ZNF804B: variants seen among roughly 807,000 people sequenced by gnomAD.
The protein encoded by ZNF804B is zinc finger protein 804B, also known as zinc finger 804B.
A neutral mutation model predicts 101.4 loss-of-function variants in ZNF804B; 80 were observed. That is an observed-to-expected ratio of 0.79 (90% CI 0.66 to 0.95). ZNF804B has a LOEUF of 0.95. ZNF804B is among the 40% of genes least tolerant of loss of function. ZNF804B has a pLI of 0.00. For missense variants in ZNF804B, 1,673 were observed against 1,561.9 expected, an observed-to-expected ratio of 1.07 and a Z score of -1.20; for synonymous variants, 622 against 558.8, an observed-to-expected ratio of 1.11 and a Z score of -1.59.
chr7:88,854,431 C>CTTTCTTTCTTTCTT (rs1791507753), intron 1 of ZNF804B, among the ~76,000 whole-genome samples: 1 of 121,124 alleles, frequency 8.3e-6, no homozygotes, highest in Non-Finnish European at 1.7e-5. Context: ...TTCTTTCTTT[C>CTTTCTTTCTTTCTT]TTTCTTTCTT....
intron 1 of ZNF804B, among the ~76,000 whole-genome samples, chr7:88,894,307 G>A (rs1016764289): frequency 6.6e-6 from 1 of 151,536 alleles, no homozygotes; most frequent in African/African-American, 2.4e-5. Flanking sequence ...TCTGCCTCCC[G>A]GGTTGAAGTG....
At chr7:89,114,074 C>T (rs1790271995) in intron 1 of ZNF804B, among the ~76,000 whole-genome samples, 1 of 152,070 alleles carries the variant, frequency 6.6e-6, no homozygotes, top group Non-Finnish European at 1.5e-5. Context: ...TGAGAACAAG[C>T]TTGATGTTTA....
At chr7:89,306,489 C>T (rs1038504875) in intron 2 of ZNF804B, among the ~76,000 whole-genome samples, 3 of 132,548 alleles carry the variant, frequency 2.3e-5, no homozygotes, top group Admixed American at 7.6e-5. Flanking sequence ...CTCAACTGAT[C>T]GTGTCTTTTA....
chr7:88,801,536 C>A (rs988076282), intron 1 of ZNF804B, among the ~76,000 whole-genome samples: 7 of 152,218 alleles, frequency 4.6e-5, no homozygotes, highest in Middle Eastern at 3.4e-3. Flanking sequence ...CTCTTATCTT[C>A]TGCCAGCTTA....
At chr7:89,084,720 TACAC>T (rs201781861) in intron 1 of ZNF804B, among the ~76,000 whole-genome samples, 2 of 151,760 alleles carry the variant, frequency 1.3e-5, no homozygotes, top group South Asian at 2.1e-4. Context: ...ACAATAGTAA[TACAC>T]ACACACACAT....
chr7:88,812,889 T>C (rs2115738500), intron 1 of ZNF804B, among the ~76,000 whole-genome samples: 1 of 151,792 alleles, frequency 6.6e-6, no homozygotes, highest in Admixed American at 6.6e-5. Flanking sequence ...TGGTGGTTAC[T>C]AGGGACCAAG....
At chr7:89,219,994 T>TATGTATATACACATATATGTGTGCATAC (rs1584063478) in intron 2 of ZNF804B, among the ~76,000 whole-genome samples, 1 of 110,124 alleles carries the variant, frequency 9.1e-6, no homozygotes, top group Non-Finnish European at 1.9e-5. Context: ...TGTGTGCATA[T>TATGTATATACACATATATGTGTGCATAC]ATGTATATGC....
intron 1 of ZNF804B, among the ~76,000 whole-genome samples, chr7:88,784,899 T>A (rs1030079567): frequency 6.6e-6 from 1 of 152,190 alleles, no homozygotes; most frequent in African/African-American, 2.4e-5. Flanking sequence ...AATTATGTTA[T>A]CTTAGATTTC....
intron 2 of ZNF804B, among the ~76,000 whole-genome samples, chr7:89,317,328 T>A (rs1404178427): frequency 6.6e-6 from 1 of 152,170 alleles, no homozygotes; most frequent in African/African-American, 2.4e-5. Context: ...ATGCACATGG[T>A]GTAAAGTCTG....
intron 1 of ZNF804B, among the ~76,000 whole-genome samples, chr7:89,037,067 T>C (rs1212547761): frequency 6.6e-6 from 1 of 152,106 alleles, no homozygotes; most frequent in Non-Finnish European, 1.5e-5. Flanking sequence ...ATTACACGAA[T>C]GAGACAATTT....
intron 2 of ZNF804B, among the ~76,000 whole-genome samples, chr7:89,249,925 C>A (rs978033449): frequency 1.3e-5 from 2 of 152,120 alleles, no homozygotes; most frequent in African/African-American, 4.8e-5. Flanking sequence ...TGGTGGTTCA[C>A]ACCAGTAATC....
At position 89,334,248 on chromosome 7, in the gene ZNF804B, A is replaced by G. The variant is rs749558025; in HGVS notation, c.1266A>G (p.Lys422=). The G allele has an allele frequency of 6.2e-7, 1 of 1,613,716 alleles. No individual in the cohort carries two copies. Among genetic ancestry groups the G allele is most frequent in the Non-Finnish European group, 8.5e-7 (1 of 1,179,838 alleles). Residue 422 remains lysine (K), a synonymous_variant, in exon 4 of 4, where the codon AAA becomes AAG. Coordinates refer to ENST00000333190, the MANE Select transcript of ZNF804B (RefSeq NM_181646.5). The stretch of plus-strand genomic sequence containing the variant: ...TAGATAAAACAGAAAGAGTTAGCAA[A>G]AATGTTCAAAGACTTGTAAAAGAAG... ...KSLDKTERVS[K]NVQRLVKEAC... is the part of the protein sequence containing the mutation.
intron 1 of ZNF804B, among the ~76,000 whole-genome samples, chr7:88,871,376 AG>A (rs1315245123): frequency 2.6e-5 from 4 of 152,134 alleles, no homozygotes; most frequent in Admixed American, 2.0e-4. Context: ...ATAATAAAAA[AG>A]TAAAAGTGCA....
At chr7:89,012,853 TG>T (rs2116196694) in intron 1 of ZNF804B, among the ~76,000 whole-genome samples, 1 of 152,276 alleles carries the variant, frequency 6.6e-6, no homozygotes, top group East Asian at 1.9e-4. Flanking sequence ...TCTGTTCTCA[TG>T]CTGCTATGAA....
At chr7:89,155,958 T>C (rs1229962704) in intron 1 of ZNF804B, among the ~76,000 whole-genome samples, 2 of 151,538 alleles carry the variant, frequency 1.3e-5, no homozygotes, top group Admixed American at 1.3e-4. Context: ...CTACCTTCCC[T>C]CCTCTGTCTC....
rs1370478631 is a variant in ZNF804B, at chr7:89,333,438, C to T, written c.456C>T (p.Pro152=). 1.2e-6 allele frequency: 2 copies of T among 1,612,826 alleles called. No individual in the cohort carries two copies. Among genetic ancestry groups the T allele is most frequent in the Non-Finnish European group, 1.7e-6 (2 of 1,179,410 alleles). Residue 152 remains proline, a synonymous_variant, in exon 4 of 4, where the codon CCC becomes CCT. Transcript: ENST00000333190. ...AGCAACTCCAGCAAGGAATTTTCCC[C>T]ATTAAGAATGGCAGAAAGGTATCAT... ...IEKQLQQGIF[P]IKNGRKVSCM... is the part of the protein sequence containing the mutation.
In ZNF804B at chr7:89,335,773, A is replaced by T; in HGVS notation, c.2791A>T (p.Arg931Ter). 6.2e-7 allele frequency: 1 copy of T among 1,614,098 alleles called. No individual in the cohort carries two copies. Among genetic ancestry groups the T allele is most frequent in the East Asian group, 2.2e-5 (1 of 44,866 alleles). ...TCTAACAGCAAAAATCCTTTTAGAA[A>T]GAGTACAAGCCAAGAAATGTCAAGA... Reference protein sequence around the residue: ...TPLTAKILLERVQAKKCQEQS... With the variant: ...TPLTAKILLE The change falls in exon 4 of 4, where the codon AGA (arginine) becomes TGA (stop). Residue 931 changes from arginine (R) to a stop codon, truncating the protein, a stop_gained. Transcript: ENST00000333190. LOFTEE classifies it high-confidence loss of function.
chr7:89,262,608 T>C (rs1789727380), intron 2 of ZNF804B, among the ~76,000 whole-genome samples: 1 of 152,170 alleles, frequency 6.6e-6, no homozygotes, highest in Admixed American at 6.5e-5. Flanking sequence ...TTTTTTCCAT[T>C]CCTCTTTCAT....
intron 1 of ZNF804B, among the ~76,000 whole-genome samples, chr7:88,829,616 C>T (rs1287612262): frequency 6.6e-6 from 1 of 151,952 alleles, no homozygotes; most frequent in African/African-American, 2.4e-5. Context: ...GCTGGATACT[C>T]TTCCACAATT....
Sources: gnomAD v4.1 joint callset for allele counts (sites outside exome capture counted in the v4.1 genomes callset) on GRCh38, gnomAD v4.1.1 for gene constraint, MANE v1.5 for transcripts, NCBI Gene and HGNC (gene_info 2026-07-23, HGNC 2026-07-21) for gene names.